Variants in MAP7 observed in about 807,000 individuals in gnomAD.
MAP7 encodes ensconsin.
MAP7 carries 52 observed loss-of-function variants against 94.8 expected under a neutral mutation model. That is an observed-to-expected ratio of 0.55 (90% CI 0.44 to 0.69). The LOEUF (loss-of-function observed/expected upper bound fraction) is 0.69. Among genes scored for constraint, MAP7 ranks in the 30% least tolerant of loss-of-function variants. The pLI is 0.00. For missense variants in MAP7, 940 were observed against 964.6 expected (o/e 0.97, Z 0.34); for synonymous variants, 350 against 357.0 (o/e 0.98, Z 0.22).
At chr6:136,512,199 G>C (rs1364954062) in intron 1 of MAP7, among the ~76,000 whole-genome samples, 1 of 152,192 alleles carries the variant, frequency 6.6e-6, no homozygotes, top group Non-Finnish European at 1.5e-5. Flanking sequence ...CTCATTCTCT[G>C]GCTGGCAGGG....
chr6:136,415,189 T>G (rs1400567618), intron 2 of MAP7, among the ~76,000 whole-genome samples: 2 of 152,108 alleles, frequency 1.3e-5, no homozygotes, highest in Non-Finnish European at 2.9e-5. Context: ...CTTCAAGCAA[T>G]CCTCCTGCCT....
At chr6:136,367,735 A>G (rs1454284334) in intron 8 of MAP7, among the ~76,000 whole-genome samples, 3 of 152,178 alleles carry the variant, frequency 2.0e-5, no homozygotes, top group Admixed American at 2.0e-4. Flanking sequence ...CCCCAAAAGT[A>G]GGAGGTGGGG....
At chr6:136,387,053 C>A (rs1234746488) in intron 5 of MAP7, among the ~76,000 whole-genome samples, 1 of 152,164 alleles carries the variant, frequency 6.6e-6, no homozygotes, top group Non-Finnish European at 1.5e-5. Flanking sequence ...CTCAAGGGAT[C>A]CTCCTGCCTT....
chr6:136,508,752 A>T (rs1822348171), intron 1 of MAP7, among the ~76,000 whole-genome samples: 1 of 152,202 alleles, frequency 6.6e-6, no homozygotes, highest in Non-Finnish European at 1.5e-5. Context: ...CTAAAATATC[A>T]CAGTAAAGTT....
chr6:136,548,379 C>T (rs1322361384), intron 1 of MAP7, among the ~76,000 whole-genome samples: 2 of 151,938 alleles, frequency 1.3e-5, no homozygotes, highest in Admixed American at 1.3e-4. Flanking sequence ...GACACAAATG[C>T]TTCTGAACAC....
chr6:136,529,281 A>AT (rs57942435), intron 1 of MAP7, among the ~76,000 whole-genome samples: 29 of 150,062 alleles, frequency 1.9e-4, no homozygotes, highest in Middle Eastern at 3.4e-3. Flanking sequence ...CACCCAGCTA[A>AT]TTTTTTTTTT....
chr6:136,398,152 T>C (rs185684516), intron 3 of MAP7, among the ~76,000 whole-genome samples: 4 of 152,278 alleles, frequency 2.6e-5, no homozygotes, highest in Admixed American at 2.6e-4. Context: ...CAAAAAGGAA[T>C]TAAAAATGAA....
At chr6:136,446,613 A>ATG (rs1799445340) in intron 1 of MAP7, among the ~76,000 whole-genome samples, 1 of 152,172 alleles carries the variant, frequency 6.6e-6, no homozygotes, top group African/African-American at 2.4e-5. Context: ...AGTCTTTCCT[A>ATG]TGACCAGCTC....
intron 1 of MAP7, among the ~76,000 whole-genome samples, chr6:136,535,637 C>A (rs1828815753): frequency 1.3e-5 from 2 of 151,902 alleles, no homozygotes. Flanking sequence ...CCAACCAGAA[C>A]ACTAAAAGCC....
At position 136,352,284 on chromosome 6, in the gene MAP7, C is replaced by A. The variant is rs1293265168; in HGVS notation, c.2015+4408G>T. Among the ~76,000 whole-genome samples the A allele has an allele frequency of 2.0e-5, 3 of 151,590 alleles. No individual in the cohort carries two copies. In the East Asian group the frequency reaches 5.8e-4, roughly 29 times the overall value. ...CTCACTGCAGCCTCGACCTCCTGAG[C>A]TCACGCCATCCTCCCACCTCAGTCT... On this transcript the variant is annotated intron_variant, in intron 16 of 17. Coordinates refer to ENST00000354570, the MANE Select transcript of MAP7 (RefSeq NM_003980.6).
At chr6:136,376,300 G>A (rs534832670) in intron 7 of MAP7, among the ~76,000 whole-genome samples, 29 of 151,138 alleles carry the variant, frequency 1.9e-4, no homozygotes, top group Middle Eastern at 3.4e-3. Flanking sequence ...GGGTTTCACC[G>A]TGTTAGCCAG....
In MAP7 at chr6:136,357,420, G is replaced by A. The variant is rs115110348; in HGVS notation, c.1913-626C>T. On this transcript the variant is annotated intron_variant, in intron 15 of 17. Transcript: ENST00000354570. Reference sequence around the variant, plus strand: ...AACCTTTATATAGGCCAGAGTTTCAGATATATCTGTGGTAGATTATGGTTT... The same window carrying A: ...AACCTTTATATAGGCCAGAGTTTCAAATATATCTGTGGTAGATTATGGTTT... 6.3e-3 allele frequency among the ~76,000 whole-genome samples: 958 copies of A among 152,274 alleles called. 12 individuals carry two copies. Among genetic ancestry groups the A allele is most frequent in the African/African-American group, 0.022 (917 of 41,544 alleles).
chr6:136,520,665 AGAG>A (rs1168590500), intron 1 of MAP7, among the ~76,000 whole-genome samples: 1 of 152,182 alleles, frequency 6.6e-6, no homozygotes, highest in Non-Finnish European at 1.5e-5. Context: ...TGGGAGCGAG[AGAG>A]GAGGTTTCCT....
intron 1 of MAP7, among the ~76,000 whole-genome samples, chr6:136,490,788 C>G (rs1036400693): frequency 2.0e-5 from 3 of 152,180 alleles, no homozygotes; most frequent in Non-Finnish European, 2.9e-5. Flanking sequence ...AAGCTCGGCA[C>G]TAAGGTATAT....
At chr6:136,424,526 T>C (rs1484111295) in intron 1 of MAP7, among the ~76,000 whole-genome samples, 1 of 152,118 alleles carries the variant, frequency 6.6e-6, no homozygotes, top group African/African-American at 2.4e-5. Flanking sequence ...TCCAACATAC[T>C]CTAAAACAAA....
chr6:136,509,487 A>C (rs996063302), intron 1 of MAP7, among the ~76,000 whole-genome samples: 1 of 152,138 alleles, frequency 6.6e-6, no homozygotes, highest in African/African-American at 2.4e-5. Context: ...TCTTTGCCTC[A>C]AGTAATCCTC....
At chr6:136,453,796 A>T (rs1295662389) in intron 1 of MAP7, among the ~76,000 whole-genome samples, 1 of 152,240 alleles carries the variant, frequency 6.6e-6, no homozygotes, top group South Asian at 2.1e-4. Context: ...AAATAACATG[A>T]ACTTTTATTT....
chr6:136,375,256 C>G (rs745569694), intron 7 of MAP7, among the ~76,000 whole-genome samples: 16 of 152,114 alleles, frequency 1.1e-4, no homozygotes, highest in South Asian at 4.1e-4. Flanking sequence ...TAATCCTGAG[C>G]TCTAATAATC....
At chr6:136,493,620 T>C (rs1402226276) in intron 1 of MAP7, among the ~76,000 whole-genome samples, 1 of 152,192 alleles carries the variant, frequency 6.6e-6, no homozygotes, top group East Asian at 1.9e-4. Context: ...TAAGAGACCA[T>C]CTGTCAGTTA....
Sources: gnomAD v4.1 joint callset for allele counts (sites outside exome capture counted in the v4.1 genomes callset) on GRCh38, gnomAD v4.1.1 for gene constraint, MANE v1.5 for transcripts, NCBI Gene and HGNC (gene_info 2026-07-23, HGNC 2026-07-21) for gene names.